GALNT15: variants seen among roughly 807,000 people sequenced by gnomAD.
GALNT15 encodes the protein UDP-GalNAc transferase T15.
Under a neutral mutation model 66.8 loss-of-function variants are expected in GALNT15, and 67 were observed. The observed-to-expected ratio is 1.00, with a 90% CI of 0.82 to 1.23. The LOEUF (loss-of-function observed/expected upper bound fraction) is 1.23, where lower values mean the gene tolerates loss of function less well. Ranked by LOEUF, GALNT15 falls within the 50% of genes most tolerant of loss-of-function variation. The pLI is 0.00. For synonymous variants in GALNT15, 313 were observed against 311.5 expected, an observed-to-expected ratio of 1.00 and a Z score of -0.05; for missense variants, 827 against 804.3, an observed-to-expected ratio of 1.03 and a Z score of -0.34.
chr3:16,192,516 C>T (rs962775107), intron 1 of GALNT15, among the ~76,000 whole-genome samples: 6 of 152,010 alleles, frequency 3.9e-5, no homozygotes, highest in Non-Finnish European at 7.4e-5. Context: ...AATTTCTTTT[C>T]ACAGCCACCA....
chr3:16,226,667 C>T (rs1373212340), intron 9 of GALNT15, among the ~76,000 whole-genome samples: 3 of 152,224 alleles, frequency 2.0e-5, no homozygotes, highest in African/African-American at 7.2e-5. Flanking sequence ...TCTTCCAACA[C>T]TGGGAATTAC....
chr3:16,227,522 G>A lies in GALNT15; in HGVS notation c.*22G>A. ...ATGAATGTCAATGTCAGAAGGAAAAGAGAATTTTGGCCATCAAAATCCAGC... is the reference window on the plus strand; with the variant it reads ...ATGAATGTCAATGTCAGAAGGAAAAAAGAATTTTGGCCATCAAAATCCAGC... On this transcript the variant is annotated 3_prime_UTR_variant, in exon 10 of 10. Transcript: ENST00000339732. This position sits in a 1 kb window ranked among gnomAD's most constrained non-coding sequence, Gnocchi z 4.5. 1.2e-6 allele frequency: 2 copies of A among 1,614,104 alleles called. No individual in the cohort carries two copies. The highest frequency in any genetic ancestry group is 1.7e-6 in the Non-Finnish European group (2 of 1,179,984).
At position 16,195,667 on chromosome 3, in the gene GALNT15, G is replaced by A; in HGVS notation, c.540-93G>A. 2.5e-6 allele frequency: 3 copies of A among 1,180,488 alleles called. No homozygotes were observed. Among genetic ancestry groups the A allele is most frequent in the Non-Finnish European group, 3.6e-6 (3 of 830,746 alleles). 73.1% of individuals were successfully genotyped at this position (1,180,488 alleles called of 1,614,324 possible). ...ATAGGACAGCCATATAATGGGGGCAGCTCCAGCCAGAGCAAAGGAAGCGAG... is the reference window on the plus strand; with the variant it reads ...ATAGGACAGCCATATAATGGGGGCAACTCCAGCCAGAGCAAAGGAAGCGAG... On this transcript the variant is annotated intron_variant, in intron 1 of 9. Coordinates refer to ENST00000339732, the MANE Select transcript of GALNT15 (RefSeq NM_054110.5). The surrounding 1 kb of genome is among the most constrained non-coding windows in gnomAD (Gnocchi z 4.6).
chr3:16,214,271 A>G (rs1360313573), intron 6 of GALNT15, among the ~76,000 whole-genome samples: 3 of 152,242 alleles, frequency 2.0e-5, no homozygotes, highest in Non-Finnish European at 4.4e-5. Context: ...AAGTGGAAGC[A>G]TGTGTCCAAC....
chr3:16,186,995 G>A lies in GALNT15; in HGVS notation c.540-8765G>A, dbSNP rs1273097160. On this transcript the variant is annotated intron_variant, in intron 1 of 9. Transcript: ENST00000339732. The surrounding 1 kb of genome is among the most constrained non-coding windows in gnomAD (Gnocchi z 5.1). ...CATTAGTGATTTCAGGCCGGGCGTG[G>A]TGGCTCACTCCTGTAATCCCAGCAC... Among the ~76,000 whole-genome samples the A allele has an allele frequency of 6.6e-6, 1 of 152,180 alleles. No homozygotes were observed. The highest frequency in any genetic ancestry group is 6.5e-5 in the Admixed American group (1 of 15,286).
At chr3:16,207,518 A>G (rs1189135170) in intron 3 of GALNT15, among the ~76,000 whole-genome samples, 1 of 1,162 alleles carries the variant, frequency 8.6e-4, no homozygotes, top group African/African-American at 7.7e-3. Flanking sequence ...AAAAAAAAAA[A>G]AAAAAAAAAA....
In GALNT15 at chr3:16,181,897, G is replaced by A. The variant is rs1221501985; in HGVS notation, c.539+6207G>A. On this transcript the variant is annotated intron_variant, in intron 1 of 9. Transcript: ENST00000339732. The surrounding 1 kb of genome is among the most constrained non-coding windows in gnomAD (Gnocchi z 5.9). ...AGCCCTCGAGTCCACAGTGGCCGCA[G>A]CAGAGGCAGTACCTCCTCTGGACCT... Among the ~76,000 whole-genome samples, 1 of 152,142 alleles carries A rather than the reference G, an allele frequency of 6.6e-6. No individual in the cohort carries two copies. Among genetic ancestry groups the A allele is most frequent in the Non-Finnish European group, 1.5e-5 (1 of 68,036 alleles).
chr3:16,233,094 C>CTTTTTTTTTTTTT (rs61516679), downstream of GALNT15, among the ~76,000 whole-genome samples: 1,798 of 61,086 alleles, frequency 0.029, 498 homozygotes, highest in Non-Finnish European at 0.043. Flanking sequence ...GATAATGCAT[C>CTTTTTTTTTTTTT]TTTTTTTTTT....
Position 16,227,392 on chromosome 3 carries a change from G to A in GALNT15, c.1812G>A (p.Met604Ile). 6.2e-7 allele frequency: 1 copy of A among 1,613,942 alleles called. No individual in the cohort carries two copies. Among genetic ancestry groups the A allele is most frequent in the Admixed American group, 1.7e-5 (1 of 59,984 alleles). The change falls in exon 10 of 10, where the codon ATG (methionine) becomes ATA (isoleucine). Residue 604 changes from methionine to isoleucine, a missense_variant. Met to Ile is a conservative substitution (Grantham distance 10, BLOSUM62 1). Transcript: ENST00000339732. This position sits in a 1 kb window ranked among gnomAD's most constrained non-coding sequence, Gnocchi z 4.5. ...MIVHILSGKC[M>I]EAVVQENNKD... ...TCCACATTCTTTCTGGGAAATGCAT[G>A]GAAGCTGTGGTGCAAGAAAACAATA... is the stretch of plus-strand genomic sequence containing the variant.
Position 16,187,089 on chromosome 3 carries a change from C to G in GALNT15, c.540-8671C>G, listed in dbSNP as rs900186210. Among the ~76,000 whole-genome samples, 8 of 152,140 alleles carry G rather than the reference C, an allele frequency of 5.3e-5. No homozygotes were observed. The highest frequency in any genetic ancestry group is 1.9e-4 in the African/African-American group (8 of 41,506). On this transcript the variant is annotated intron_variant, in intron 1 of 9. Coordinates refer to ENST00000339732, the MANE Select transcript of GALNT15 (RefSeq NM_054110.5). The surrounding 1 kb of genome is among the most constrained non-coding windows in gnomAD (Gnocchi z 5.1). ...GACCAGCCTGACCAACATGGTGAAA[C>G]CCCGTCTCTACAAAAAATACAAAAA... is the stretch of plus-strand genomic sequence containing the variant.
rs948445147 is a variant in GALNT15 at position 16,195,698 on chromosome 3, G to A, written c.540-62G>A. The A allele has an allele frequency of 6.8e-7, 1 of 1,462,040 alleles. No homozygotes were observed. The highest frequency in any genetic ancestry group is 9.4e-7 in the Non-Finnish European group (1 of 1,062,858). 90.6% of individuals were successfully genotyped at this position (1,462,040 alleles called of 1,614,324 possible). On this transcript the variant is annotated intron_variant, in intron 1 of 9. Transcript: ENST00000339732. This position sits in a 1 kb window ranked among gnomAD's most constrained non-coding sequence, Gnocchi z 4.6. ...GCCAGAGCAAAGGAAGCGAGTTAGAGGGTGTGGAGTGTTTCTTGTGGCCTT... is the reference window on the plus strand; with the variant it reads ...GCCAGAGCAAAGGAAGCGAGTTAGAAGGTGTGGAGTGTTTCTTGTGGCCTT...
intron 6 of GALNT15, among the ~76,000 whole-genome samples, chr3:16,213,827 A>G (rs1490123112): frequency 6.6e-6 from 1 of 152,206 alleles, no homozygotes; most frequent in Non-Finnish European, 1.5e-5. Flanking sequence ...GAAGCCCCAT[A>G]GAGCAGCCCC....
intron 8 of GALNT15, 128 bp from the exon 9 acceptor site, chr3:16,222,487 T>C: frequency 8.6e-7 from 1 of 1,164,448 alleles, no homozygotes; most frequent in South Asian, 1.4e-5. Flanking sequence ...GATATGGTCT[T>C]TCTGACCCCG....
rs1044830682 is a variant in GALNT15 at position 16,227,024 on chromosome 3, T to G, written c.1774-330T>G. ...CGTTTTGAAAGCAGAAATTTACAAC[T>G]ACAGTGATAACAATGAATGTCACAA... is the stretch of plus-strand genomic sequence containing the variant. On this transcript the variant is annotated intron_variant, in intron 9 of 9. Transcript: ENST00000339732. This position sits in a 1 kb window ranked among gnomAD's most constrained non-coding sequence, Gnocchi z 4.5. Among the ~76,000 whole-genome samples, 1 of 152,212 alleles carries G rather than the reference T, an allele frequency of 6.6e-6. No homozygotes were observed. The highest frequency in any genetic ancestry group is 1.5e-5 in the Non-Finnish European group (1 of 68,042).
In GALNT15 at chr3:16,219,973, C is replaced by T. The variant is rs754621488; in HGVS notation, c.1588C>T (p.Pro530Ser). Residue 530 changes from proline (P) to serine (S), a missense_variant, in exon 8 of 10, where the codon CCC becomes TCC. Transcript: ENST00000339732. This position sits in a 1 kb window ranked among gnomAD's most constrained non-coding sequence, Gnocchi z 4.3. ...CQAEGDILGCPMVLAPCSDSR... is the reference protein window; with the variant it reads ...CQAEGDILGCSMVLAPCSDSR... ...GGCAGAAGGGGACATCCTGGGCTGT[C>T]CCATGGTGTTGGCTCCTTGCAGTGA... 1 of 1,614,186 alleles carries T rather than the reference C, an allele frequency of 6.2e-7. No homozygotes were observed. The highest frequency in any genetic ancestry group is 2.2e-5 in the East Asian group (1 of 44,878).
At chr3:16,217,363 G>A (rs372149171) in intron 6 of GALNT15, among the ~76,000 whole-genome samples, 2 of 152,128 alleles carry the variant, frequency 1.3e-5, no homozygotes, top group African/African-American at 4.8e-5. Flanking sequence ...TTAGCAGAGG[G>A]CTCCTTTTAT....
In GALNT15 at chr3:16,200,592, C is replaced by T; in HGVS notation, c.707-27C>T. The T allele has an allele frequency of 4.8e-6, 7 of 1,471,896 alleles. No individual in the cohort carries two copies. The highest frequency in any genetic ancestry group is 1.4e-5 in the South Asian group (1 of 69,582). The allele number at this position is 1,471,896 out of a possible 1,614,324, so 91.2% of individuals were successfully genotyped here. ...TCATCGGTTGTGGCATTTGTCATTCCACTGACCACAACCCTGTTGATTCCA... is the reference window on the plus strand; with the variant it reads ...TCATCGGTTGTGGCATTTGTCATTCTACTGACCACAACCCTGTTGATTCCA... On this transcript the variant is annotated intron_variant, in intron 2 of 9. Coordinates refer to ENST00000339732, the MANE Select transcript of GALNT15 (RefSeq NM_054110.5). The surrounding 1 kb of genome is among the most constrained non-coding windows in gnomAD (Gnocchi z 4.4).
intron 9 of GALNT15, among the ~76,000 whole-genome samples, chr3:16,226,159 A>C (rs1366610770): frequency 6.6e-6 from 1 of 152,164 alleles, no homozygotes; most frequent in African/African-American, 2.4e-5. Flanking sequence ...ATAAATATAG[A>C]AAGTAGATTA....
At chr3:16,243,982 T>C in the GALNT15 span, 7 of 984,588 alleles carry the variant, frequency 7.1e-6, no homozygotes, top group Non-Finnish European at 8.4e-6. Context: ...GACCTGGGGG[T>C]TGATGACTTT....
Sources: gnomAD v4.1 joint callset for allele counts (sites outside exome capture counted in the v4.1 genomes callset) on GRCh38, gnomAD v4.1.1 for gene constraint, Gnocchi (gnomAD v3.1) non-coding constraint, MANE v1.5 for transcripts, NCBI Gene and HGNC (gene_info 2026-07-23, HGNC 2026-07-21) for gene names.